The following RBM10 variants were observed in gnomAD, a reference collection of about 807,000 sequenced individuals.
The protein encoded by RBM10 is RNA-binding protein 10.
In RBM10, 1 loss-of-function variant was observed where a neutral mutation model predicts 84.9. That is an observed-to-expected ratio of 0.01 (90% CI 0.00 to 0.06). The LOEUF (loss-of-function observed/expected upper bound fraction) is 0.06. RBM10 is among the 10% of genes least tolerant of loss of function. RBM10 has a pLI of 1.00. For synonymous variants in RBM10, 326 were observed against 344.5 expected (o/e 0.95, Z 0.60); for missense variants, 438 against 839.0 (o/e 0.52, Z 5.90).
chrX:47,169,222 A>G lies in RBM10; in HGVS notation c.18-93A>G. ...TTCTGTTGTATGCTCCTCCAAAAAA[A>G]CCAAAACCCTACGAGAACACATCAC... On this transcript the variant is annotated intron_variant, in intron 2 of 23. Coordinates refer to ENST00000377604, the MANE Select transcript of RBM10 (RefSeq NM_005676.5). The G allele has an allele frequency of 6.4e-6, 6 of 935,773 alleles. No homozygotes were observed. The South Asian group carries it at 1.2e-4, about 19-fold the overall frequency. 77.1% of individuals were successfully genotyped at this position (935,773 alleles called of 1,213,427 possible). A position where few individuals can be genotyped will look rare whatever the true frequency, so the allele number is the denominator to read the frequency against.
intron 5 of RBM10, 83 bp downstream of exon 5, chrX:47,173,280 ACTCC>A: frequency 8.5e-7 from 1 of 1,170,523 alleles, no homozygotes; most frequent in East Asian, 3.2e-5. Flanking sequence ...CTTCTCCCCC[ACTCC>A]CTCCACCACC....
intron 3 of RBM10, 111 bp downstream of exon 3, chrX:47,169,609 CTG>C: frequency 3.6e-6 from 3 of 838,181 alleles, no homozygotes; most frequent in Non-Finnish European, 5.1e-6. Context: ...TGCCTTCAGA[CTG>C]TGCTCGGTGG....
At chrX:47,150,111 C>T (rs1219171718) in intron 2 of RBM10, among the ~76,000 whole-genome samples, 2 of 111,366 alleles carry the variant, frequency 1.8e-5, no homozygotes, top group African/African-American at 3.3e-5. Context: ...CGTGAGCCAC[C>T]GTGCCCAGCC....
At chrX:47,175,447 T>C (rs1935066621) in intron 6 of RBM10, among the ~76,000 whole-genome samples, 2 of 110,276 alleles carry the variant, frequency 1.8e-5, no homozygotes, top group Admixed American at 1.9e-4. Context: ...CTCTCTGGGG[T>C]TAGCCAGAGC....
At chrX:47,146,087 G>A (rs1174206705) in intron 1 of RBM10, among the ~76,000 whole-genome samples, 1 of 110,247 alleles carries the variant, frequency 9.1e-6, no homozygotes, top group Non-Finnish European at 1.9e-5. Context: ...CCCTTCTTTT[G>A]GGGAGTTTGT....
At chrX:47,146,571 A>G (rs1303330300) in intron 1 of RBM10, among the ~76,000 whole-genome samples, 3 of 111,453 alleles carry the variant, frequency 2.7e-5, no homozygotes, top group Non-Finnish European at 3.8e-5. Context: ...AGTTCTCACC[A>G]CAGCCCTGAG....
intron 2 of RBM10, among the ~76,000 whole-genome samples, chrX:47,150,092 G>T (rs1256215275): frequency 2.7e-5 from 3 of 111,982 alleles, no homozygotes; most frequent in Non-Finnish European, 5.6e-5. Context: ...AAAGTGTTGG[G>T]ATTACAGGCG....
intron 2 of RBM10, among the ~76,000 whole-genome samples, chrX:47,164,163 C>T (rs1274912940): frequency 7.2e-5 from 8 of 111,043 alleles, no homozygotes; most frequent in African/African-American, 2.0e-4. Context: ...GTCACTGTGC[C>T]TGGCCGATTA....
chrX:47,180,534 G>A (rs1556778680), intron 12 of RBM10, 28 bp downstream of exon 12: 10 of 1,204,743 alleles, frequency 8.3e-6, no homozygotes, highest in East Asian at 3.0e-5. Context: ...GCCTCCCAGC[G>A]TCCTGAGACC....
intron 7 of RBM10, among the ~76,000 whole-genome samples, chrX:47,178,327 A>C (rs1556777091): frequency 1.8e-5 from 2 of 111,597 alleles, no homozygotes; most frequent in Non-Finnish European, 3.8e-5. Flanking sequence ...AAGGCTTAAC[A>C]AAATGAAACT....
At chrX:47,180,725 G>T in intron 12 of RBM10, among the ~76,000 whole-genome samples, 1 of 111,633 alleles carries the variant, frequency 9.0e-6, no homozygotes, top group East Asian at 2.8e-4. Context: ...CCTCCCATGC[G>T]CTCATGTACG....
chrX:47,156,992 G>A lies in RBM10; in HGVS notation c.17+9494G>A, dbSNP rs782655915. 4.3e-5 allele frequency: 12 copies of A among 280,865 alleles called. 1 individual carries two copies. The highest frequency in any genetic ancestry group is 2.8e-4 in the African/African-American group (10 of 36,108). The allele number at this position is 280,865 out of a possible 1,213,427, so 23.1% of individuals were successfully genotyped here. A position where few individuals can be genotyped will look rare whatever the true frequency, so the allele number is the denominator to read the frequency against. ...TCACACCCTCGTAGGCTGGGAAGGC[G>A]TTGATGTCGATGACGGCATGCTGCC... On this transcript the variant is annotated intron_variant, in intron 2 of 23. Transcript: ENST00000377604.
At chrX:47,178,564 A>G (rs1935307809) in intron 7 of RBM10, among the ~76,000 whole-genome samples, 1 of 112,199 alleles carries the variant, frequency 8.9e-6, no homozygotes, top group African/African-American at 3.2e-5. Context: ...AGTGGTGCTT[A>G]GTACCTGAGT....
At chrX:47,150,390 G>A (rs782166099) in intron 2 of RBM10, among the ~76,000 whole-genome samples, 3 of 110,700 alleles carry the variant, frequency 2.7e-5, no homozygotes, top group East Asian at 5.7e-4. Flanking sequence ...GGATGGTCTC[G>A]ATCTCCTGAC....
chrX:47,181,721 C>G (rs199886574), intron 14 of RBM10, 28 bp from the exon 15 acceptor site: 50 of 1,208,548 alleles, frequency 4.1e-5, no homozygotes, highest in Non-Finnish European at 5.5e-5. Flanking sequence ...ACACTGAGCC[C>G]TGTTCTCCTG....
intron 5 of RBM10, among the ~76,000 whole-genome samples, chrX:47,173,935 T>TCTTTCTC (rs1934901269): frequency 3.7e-5 from 1 of 27,137 alleles, no homozygotes; most frequent in African/African-American, 1.6e-4. Flanking sequence ...CTCTCTCTCT[T>TCTTTCTC]TCTCCCTCTC....
Position 47,163,950 on chromosome X carries a change from G to C in RBM10, c.18-5365G>C, listed in dbSNP as rs1482191842. On this transcript the variant is annotated intron_variant, in intron 2 of 23. Coordinates refer to ENST00000377604, the MANE Select transcript of RBM10 (RefSeq NM_005676.5). The stretch of plus-strand genomic sequence containing the variant: ...GTGGCGCGATCTCTGCTCACTGCAA[G>C]CTCCACCTCCCGGATTCACGCCATT... 3.2e-5 allele frequency among the ~76,000 whole-genome samples: 3 copies of C among 92,341 alleles called. No homozygotes were observed. The Admixed American group carries it at 4.1e-4, about 13-fold the overall frequency. 80.2% of individuals were successfully genotyped at this position (92,341 alleles called of 115,157 possible).
chrX:47,169,054 G>T (rs782105468), intron 2 of RBM10, among the ~76,000 whole-genome samples: 1 of 110,529 alleles, frequency 9.0e-6, no homozygotes, highest in Non-Finnish European at 1.9e-5. Context: ...AATAGAGTAG[G>T]GGGAGGGAAA....
At chrX:47,166,942 A>G (rs1381967753) in intron 2 of RBM10, among the ~76,000 whole-genome samples, 1 of 107,949 alleles carries the variant, frequency 9.3e-6, no homozygotes, top group Admixed American at 1.0e-4. Flanking sequence ...CACCCAGCTG[A>G]TTTTTTTTAT....
Sources: gnomAD v4.1 joint callset for allele counts (sites outside exome capture counted in the v4.1 genomes callset) on GRCh38, gnomAD v4.1.1 for gene constraint, MANE v1.5 for transcripts, NCBI Gene and HGNC (gene_info 2026-07-23, HGNC 2026-07-21) for gene names.